METTL21A: variants seen among roughly 807,000 people sequenced by gnomAD.
METTL21A encodes methyltransferase 21A, HSPA lysine, also known as protein N-lysine methyltransferase METTL21A.
Under a neutral mutation model 20.9 loss-of-function variants are expected in METTL21A, and 22 were observed. That is an observed-to-expected ratio of 1.05 (90% confidence interval 0.75 to 1.50). METTL21A has a LOEUF of 1.50. Ranked by LOEUF, METTL21A falls within the 40% of genes most tolerant of loss-of-function variation. The probability of loss-of-function intolerance (pLI) is 0.00; values close to 1 mark genes in which losing one functional copy is unlikely to be tolerated. For synonymous variants in METTL21A, 93 were observed against 102.0 expected (o/e 0.91, Z 0.53); for missense variants, 271 against 266.8 (o/e 1.02, Z -0.11).
chr2:207,604,245 T>C (rs1559100230), downstream of METTL21A, among the ~76,000 whole-genome samples: 1 of 152,214 alleles, frequency 6.6e-6, no homozygotes. Flanking sequence ...AAAGATAAAA[T>C]TCTGATCCAT....
chr2:207,598,355 CTT>C (rs2086511550), intron 3 of METTL21A: 2 of 183,462 alleles, frequency 1.1e-5, no homozygotes. Flanking sequence ...GCTGTATAGC[CTT>C]TGTCATTTTA....
intron 3 of METTL21A, among the ~76,000 whole-genome samples, chr2:207,584,195 T>C (rs2083412224): frequency 6.6e-6 from 1 of 152,266 alleles, no homozygotes; most frequent in Non-Finnish European, 1.5e-5. Flanking sequence ...GCATGAAATG[T>C]AACTAACTGT....
intron 3 of METTL21A, among the ~76,000 whole-genome samples, chr2:207,590,453 A>G (rs1330697936): frequency 6.6e-6 from 1 of 151,118 alleles, no homozygotes; most frequent in African/African-American, 2.4e-5. Flanking sequence ...AATTGTATTG[A>G]TTTGTACTCT....
Position 207,624,406 on chromosome 2 carries a change from T to G in METTL21A, c.-29-2A>C. 6.3e-7 allele frequency: 1 copy of G among 1,598,320 alleles called. No individual in the cohort carries two copies. Among genetic ancestry groups the G allele is most frequent in the Non-Finnish European group, 8.5e-7 (1 of 1,174,280 alleles). ...CTGCACCCCGCCCTCTGCTCAGACC[T>G]GCCGTGCAAAAGAATCCTGGGTGAC... On this transcript the variant is annotated splice_acceptor_variant, in intron 1 of 3. Coordinates refer to ENST00000406927, the Ensembl canonical transcript of METTL21A. LOFTEE classifies it low-confidence loss of function (5UTR_SPLICE).
chr2:207,599,164 A>G, intron 3 of METTL21A: 1 of 197,502 alleles, frequency 5.1e-6, no homozygotes, highest in Non-Finnish European at 1.0e-5. Context: ...GATTCTCAAG[A>G]AGGCTTTCAA....
At chr2:207,619,423 A>G (rs2090203216) in intron 3 of METTL21A, among the ~76,000 whole-genome samples, 1 of 152,178 alleles carries the variant, frequency 6.6e-6, no homozygotes, top group African/African-American at 2.4e-5. Flanking sequence ...CACTGATTCT[A>G]TTTTGAAGAG....
chr2:207,598,129 A>G (rs2086472769), intron 3 of METTL21A: 1 of 180,798 alleles, frequency 5.5e-6, no homozygotes, highest in Admixed American at 6.3e-5. Flanking sequence ...TATTTTCCAT[A>G]TTAACAATTT....
At chr2:207,616,967 C>A (rs1209872433) in intron 3 of METTL21A, among the ~76,000 whole-genome samples, 3 of 152,178 alleles carry the variant, frequency 2.0e-5, no homozygotes, top group Non-Finnish European at 4.4e-5. Context: ...CAAGGAAAGG[C>A]AGGGAGTCGG....
At chr2:207,615,400 TAAAAG>T (rs958567968) in intron 3 of METTL21A, among the ~76,000 whole-genome samples, 27 of 150,898 alleles carry the variant, frequency 1.8e-4, no homozygotes, top group African/African-American at 6.6e-4. Context: ...AGGCTGCACT[TAAAAG>T]AACAACTTTA....
intron 3 of METTL21A, among the ~76,000 whole-genome samples, chr2:207,584,743 C>A (rs1040000520): frequency 6.6e-6 from 1 of 152,114 alleles, no homozygotes; most frequent in Non-Finnish European, 1.5e-5. Flanking sequence ...TATATGTTTT[C>A]TTTGATGAAA....
At chr2:207,587,244 T>A (rs1559066777) in intron 3 of METTL21A, among the ~76,000 whole-genome samples, 3 of 151,458 alleles carry the variant, frequency 2.0e-5, no homozygotes, top group Non-Finnish European at 4.4e-5. Flanking sequence ...ATCCAAAAAT[T>A]CAGCCAGGCA....
intron 3 of METTL21A, chr2:207,601,210 G>A (rs1042415763): frequency 1.1e-5 from 2 of 185,114 alleles, no homozygotes; most frequent in African/African-American, 4.7e-5. Context: ...ATATTTATTT[G>A]GATTATATTT....
At chr2:207,586,083 TCAAAAA>T (rs1325987605) in intron 3 of METTL21A, among the ~76,000 whole-genome samples, 1 of 151,784 alleles carries the variant, frequency 6.6e-6, no homozygotes, top group African/African-American at 2.4e-5. Flanking sequence ...AACTCAAAAG[TCAAAAA>T]CAAAGAAAAA....
chr2:207,597,028 T>G (rs1190142653), intron 3 of METTL21A: 1 of 1,607,904 alleles, frequency 6.2e-7, no homozygotes, highest in Non-Finnish European at 8.5e-7. Flanking sequence ...TAAAAGCACT[T>G]AAGGACCTTT....
intron 1 of METTL21A, 105 bp from the exon 2 acceptor site, chr2:207,624,509 AAAAG>A (rs2090889583): frequency 9.0e-6 from 9 of 1,004,652 alleles, no homozygotes; most frequent in Non-Finnish European, 1.1e-5. Flanking sequence ...TCAAAAGAAA[AAAAG>A]AAACAGGTGG....
At chr2:207,581,525 C>A (rs1574904335), downstream of METTL21A, 3 of 216,408 alleles carry the variant, frequency 1.4e-5, no homozygotes, top group South Asian at 1.8e-4. Context: ...TGAATTACTT[C>A]TAATTTCACC....
At chr2:207,615,480 A>G (rs1442818238) in intron 3 of METTL21A, among the ~76,000 whole-genome samples, 2 of 151,996 alleles carry the variant, frequency 1.3e-5, no homozygotes, top group African/African-American at 4.8e-5. Context: ...GGTGGATCAT[A>G]AGGTCAAGAG....
At chr2:207,620,535 G>T in intron 3 of METTL21A, 1 of 710,580 alleles carries the variant, frequency 1.4e-6, no homozygotes, top group Non-Finnish European at 2.1e-6. Context: ...GATCTCCAGT[G>T]ATCAGGACTT....
chr2:207,617,720 C>T (rs57020622), intron 3 of METTL21A, among the ~76,000 whole-genome samples: 1,808 of 152,174 alleles, frequency 0.012, 34 homozygotes, highest in African/African-American at 0.041. Flanking sequence ...TTTAAAAAGA[C>T]GAAACAGAGG....
Sources: gnomAD v4.1 joint callset for allele counts (sites outside exome capture counted in the v4.1 genomes callset) on GRCh38, gnomAD v4.1.1 for gene constraint, MANE v1.5 for transcripts, NCBI Gene and HGNC (gene_info 2026-07-23, HGNC 2026-07-21) for gene names.